MIA2: variants seen among roughly 807,000 people sequenced by gnomAD.
MIA2 encodes the protein MIA SH3 domain ER export factor 2.
Under a neutral mutation model 167.8 loss-of-function variants are expected in MIA2, and 127 were observed. The observed-to-expected ratio is 0.76, with a 90% CI of 0.66 to 0.88. The LOEUF is 0.88. Among genes scored for constraint, MIA2 ranks in the 40% least tolerant of loss-of-function variants. The pLI, the probability that MIA2 is intolerant of heterozygous loss-of-function variation, is 0.00. For missense variants in MIA2, 1,690 were observed against 1,624.7 expected (o/e 1.04, Z -0.69); for synonymous variants, 552 against 541.9 (o/e 1.02, Z -0.26).
intron 6 of MIA2, among the ~76,000 whole-genome samples, chr14:39,260,114 G>C (rs1291685039): frequency 6.6e-6 from 1 of 152,134 alleles, no homozygotes; most frequent in Non-Finnish European, 1.5e-5. Flanking sequence ...GTCATTGATG[G>C]ACATTTGGGT....
intron 25 of MIA2, among the ~76,000 whole-genome samples, chr14:39,330,584 T>C (rs1212824277): frequency 6.6e-6 from 1 of 152,220 alleles, no homozygotes; most frequent in Non-Finnish European, 1.5e-5. Flanking sequence ...TCCCGCTTGA[T>C]CTCCTGTGGG....
At chr14:39,251,576 G>C (rs1245891875) in intron 4 of MIA2, among the ~76,000 whole-genome samples, 1 of 151,884 alleles carries the variant, frequency 6.6e-6, no homozygotes, top group Non-Finnish European at 1.5e-5. Context: ...TATAATTATT[G>C]AATAATCCTT....
downstream of MIA2, among the ~76,000 whole-genome samples, chr14:39,352,116 A>G (rs1038476706): frequency 4.0e-5 from 6 of 150,638 alleles, no homozygotes; most frequent in African/African-American, 1.5e-4. Flanking sequence ...GTTCCGATGA[A>G]TTTTCTTCTT....
chr14:39,295,149 G>A, intron 13 of MIA2, 120 bp downstream of exon 13: 3 of 712,134 alleles, frequency 4.2e-6, no homozygotes, highest in Non-Finnish European at 7.5e-6. Flanking sequence ...CATGAGAGCA[G>A]GACAGTCTCC....
Position 39,382,337 on chromosome 14 carries a change from G to A in MIA2, c.2249-4548G>A, listed in dbSNP as rs367562439. On this transcript the variant is annotated intron_variant, in intron 23 of 23. Transcript: ENST00000341502. ...AAGCATCGATAGGAAATTTGTTAAA[G>A]GTCAGGGGGACCTCCACTGAGCCCC... 2.0e-5 allele frequency among the ~76,000 whole-genome samples: 3 copies of A among 152,284 alleles called. No individual in the cohort carries two copies. In the East Asian group the frequency reaches 5.8e-4, roughly 29 times the overall value.
chr14:39,308,737 T>C (rs1043321099), intron 18 of MIA2, 150 bp downstream of exon 18: 1 of 669,862 alleles, frequency 1.5e-6, no homozygotes, highest in African/African-American at 1.9e-5. Context: ...GTATTTGATC[T>C]GGAGACACTT....
chr14:39,342,943 T>G (rs540619389), intron 25 of MIA2, among the ~76,000 whole-genome samples: 47 of 152,192 alleles, frequency 3.1e-4, no homozygotes, highest in Non-Finnish European at 6.3e-4. Context: ...GTTTATCACC[T>G]TAATTGTGGT....
chr14:39,248,222 A>C, intron 4 of MIA2, 81 bp downstream of exon 4: 1 of 1,092,640 alleles, frequency 9.2e-7, no homozygotes. Context: ...CAGATGAAAA[A>C]GTCCAGGAAT....
chr14:39,258,627 C>A (rs776628210), intron 6 of MIA2, among the ~76,000 whole-genome samples: 10 of 152,170 alleles, frequency 6.6e-5, no homozygotes, highest in Non-Finnish European at 1.5e-4. Context: ...TGTGCCCTTG[C>A]TGGAGAGGAC....
intron 23 of MIA2, among the ~76,000 whole-genome samples, chr14:39,367,484 C>G (rs1348243254): frequency 6.6e-6 from 1 of 152,172 alleles, no homozygotes; most frequent in Non-Finnish European, 1.5e-5. Context: ...CTAGGCAGCT[C>G]CTTATGCTAG....
rs1247129784 is a variant in MIA2, at chr14:39,303,462, T to C, written c.2741-16T>C. ...ATTTTCCCAAATCATTGTTGTGCTT[T>C]TGATTTTCACTGTAGATAATCCTCC... is the stretch of plus-strand genomic sequence containing the variant. On this transcript the variant is annotated splice_polypyrimidine_tract_variant and intron_variant, in intron 15 of 28. Transcript: ENST00000640607. 1 of 1,601,682 alleles carries C rather than the reference T, an allele frequency of 6.2e-7. No individual in the cohort carries two copies.
rs2061855975 is a variant in MIA2 at position 39,298,542 on chromosome 14, T to TTTTTTTGTTG, written c.2497-1316_2497-1315insGTTGTTTTTT. ...TTGGTAGAACAGAGTTTTTTTTTTT[T>TTTTTTTGTTG]TTTTTTTTTTTTGTGAGCAACATGG... On this transcript the variant is annotated intron_variant, in intron 13 of 28. Transcript: ENST00000640607. Among the ~76,000 whole-genome samples, 5 of 97,006 alleles carry TTTTTTTGTTG rather than the reference T, an allele frequency of 5.2e-5. No individual in the cohort carries two copies. In the South Asian group the frequency reaches 1.9e-3, roughly 37 times the overall value. The allele number at this position is 97,006 out of a possible 152,430, so 63.6% of individuals were successfully genotyped here. A position where few individuals can be genotyped will look rare whatever the true frequency, so the allele number is the denominator to read the frequency against.
chr14:39,331,267 T>G (rs1375764143), intron 25 of MIA2, among the ~76,000 whole-genome samples: 1 of 152,194 alleles, frequency 6.6e-6, no homozygotes, highest in Non-Finnish European at 1.5e-5. Context: ...TATCAGAGAC[T>G]AGGATTACAA....
intron 6 of MIA2, among the ~76,000 whole-genome samples, chr14:39,275,769 T>G (rs533719470): frequency 4.0e-4 from 61 of 152,340 alleles, no homozygotes; most frequent in African/African-American, 1.4e-3. Context: ...ATTAATTGCT[T>G]GTAATGATAT....
chr14:39,350,191 A>T lies in MIA2; in HGVS notation c.4166A>T (p.Glu1389Val). 1 of 1,497,386 alleles carries T rather than the reference A, an allele frequency of 6.7e-7. No individual in the cohort carries two copies. The highest frequency in any genetic ancestry group is 1.2e-5 in the South Asian group (1 of 80,152). The allele number at this position is 1,497,386 out of a possible 1,614,324, so 92.8% of individuals were successfully genotyped here. Residue 1389 changes from glutamate to valine, a missense_variant, in exon 29 of 29, where the codon GAG becomes GTG. By Grantham distance (121) the Glu-to-Val change is moderately radical. Coordinates refer to ENST00000640607, the MANE Select transcript of MIA2 (RefSeq NM_001329214.4). ...CCCCCACATTCTGAAGGTAGAAGTGAGTTCCCCTCAGGTTTGATTCCACCT... is the reference window on the plus strand; with the variant it reads ...CCCCCACATTCTGAAGGTAGAAGTGTGTTCCCCTCAGGTTTGATTCCACCT... Reference protein sequence around the residue: ...PPPPHSEGRSEFPSGLIPPSN... With the variant: ...PPPPHSEGRSVFPSGLIPPSN...
chr14:39,378,935 T>C (rs2075098970), intron 23 of MIA2, among the ~76,000 whole-genome samples: 1 of 152,178 alleles, frequency 6.6e-6, no homozygotes, highest in Non-Finnish European at 1.5e-5. Context: ...AAATAAGTCA[T>C]TCATTTAGCC....
intron 6 of MIA2, among the ~76,000 whole-genome samples, chr14:39,258,061 C>T (rs2054903146): frequency 6.6e-6 from 1 of 152,040 alleles, no homozygotes; most frequent in African/African-American, 2.4e-5. Flanking sequence ...GATTATGTGT[C>T]TTGGGGTTGC....
intron 14 of MIA2, among the ~76,000 whole-genome samples, chr14:39,301,886 A>G (rs2062569296): frequency 6.6e-6 from 1 of 152,232 alleles, no homozygotes; most frequent in Admixed American, 6.5e-5. Context: ...GTTGCATAAT[A>G]TTAATATGTA....
Position 39,246,533 on chromosome 14 carries a change from C to A in MIA2, c.337-378C>A, listed in dbSNP as rs763353718. On this transcript the variant is annotated intron_variant, in intron 3 of 28. Transcript: ENST00000640607. ...AGAAGTTCAAGTTCAGCCTGGGCAA[C>A]ATAGCGAGACTCTATCTTCACAATT... Among the ~76,000 whole-genome samples, 44 of 152,138 alleles carry A rather than the reference C, an allele frequency of 2.9e-4. 1 individual carries two copies. The highest frequency in any genetic ancestry group is 5.0e-4 in the Non-Finnish European group (34 of 68,022).
Sources: allele counts gnomAD v4.1 joint callset (sites outside exome capture counted in the v4.1 genomes callset), GRCh38; gene constraint gnomAD v4.1.1; transcripts MANE v1.5; gene names NCBI Gene and HGNC (gene_info 2026-07-23, HGNC 2026-07-21).